The following EEFSEC variants were observed in gnomAD, a reference collection of about 807,000 sequenced individuals.
The protein encoded by EEFSEC is selenocysteine-specific elongation factor.
In EEFSEC, 43 loss-of-function variants were observed where a neutral mutation model predicts 42.1. The observed-to-expected ratio is 1.02, with a 90% CI of 0.80 to 1.32. The LOEUF (loss-of-function observed/expected upper bound fraction) is 1.32, where lower values mean the gene tolerates loss of function less well. Ranked by LOEUF, EEFSEC falls within the 40% of genes most tolerant of loss-of-function variation. The pLI, the probability that EEFSEC is intolerant of heterozygous loss-of-function variation, is 0.00. For missense variants in EEFSEC, 745 were observed against 803.6 expected, an observed-to-expected ratio of 0.93 and a Z score of 0.88; for synonymous variants, 354 against 339.1, an observed-to-expected ratio of 1.04 and a Z score of -0.48.
At chr3:128,232,400 G>T (rs1246090526) in intron 1 of EEFSEC, among the ~76,000 whole-genome samples, 1 of 152,096 alleles carries the variant, frequency 6.6e-6, no homozygotes, top group Non-Finnish European at 1.5e-5. Flanking sequence ...TTAAAGACTG[G>T]CCTCCGCACA....
intron 6 of EEFSEC, among the ~76,000 whole-genome samples, chr3:128,404,384 G>A (rs942670773): frequency 3.9e-5 from 6 of 152,240 alleles, no homozygotes; most frequent in African/African-American, 1.2e-4. Flanking sequence ...CGGGCAGTGC[G>A]AGGTATGCAT....
At chr3:128,219,780 A>G (rs1342973960) in intron 1 of EEFSEC, among the ~76,000 whole-genome samples, 5 of 151,926 alleles carry the variant, frequency 3.3e-5, no homozygotes, top group Non-Finnish European at 5.9e-5. Context: ...ACTAGAAAAA[A>G]AAAAAAGAAA....
At chr3:128,360,658 G>A (rs1297035815) in intron 6 of EEFSEC, among the ~76,000 whole-genome samples, 3 of 151,640 alleles carry the variant, frequency 2.0e-5, no homozygotes, top group South Asian at 4.2e-4. Context: ...CTCTCGGGGT[G>A]CTGGGGCGGG....
intron 1 of EEFSEC, among the ~76,000 whole-genome samples, chr3:128,222,545 AT>A (rs2065871540): frequency 6.6e-6 from 1 of 152,164 alleles, no homozygotes; most frequent in African/African-American, 2.4e-5. Context: ...CTATACCATA[AT>A]TAAATTTTCT....
At chr3:128,202,147 A>G (rs2065650115) in intron 1 of EEFSEC, among the ~76,000 whole-genome samples, 1 of 152,170 alleles carries the variant, frequency 6.6e-6, no homozygotes, top group Non-Finnish European at 1.5e-5. Flanking sequence ...GTTCTTTTCC[A>G]GTATTGCTTT....
At chr3:128,304,131 C>G (rs1376789144) in intron 4 of EEFSEC, among the ~76,000 whole-genome samples, 1 of 146,046 alleles carries the variant, frequency 6.8e-6, no homozygotes, top group Admixed American at 6.8e-5. Context: ...CTCCCTATTT[C>G]TCCTTTTGTT....
chr3:128,240,536 G>T (rs983259963), intron 1 of EEFSEC, among the ~76,000 whole-genome samples: 2 of 152,172 alleles, frequency 1.3e-5, no homozygotes, highest in African/African-American at 4.8e-5. Flanking sequence ...CTCTGAGCCT[G>T]TGCTGAGGAG....
intron 4 of EEFSEC, among the ~76,000 whole-genome samples, chr3:128,313,988 T>C (rs2066917749): frequency 6.6e-6 from 1 of 152,194 alleles, no homozygotes; most frequent in African/African-American, 2.4e-5. Flanking sequence ...CCCTACCCAG[T>C]GTGCTACCCC....
At chr3:128,190,131 A>G (rs555107996) in intron 1 of EEFSEC, among the ~76,000 whole-genome samples, 15 of 152,202 alleles carry the variant, frequency 9.9e-5, no homozygotes, top group African/African-American at 1.7e-4. Context: ...TCAAAGTGCT[A>G]GGATTACAGG....
intron 4 of EEFSEC, among the ~76,000 whole-genome samples, chr3:128,327,290 A>T (rs1341795385): frequency 2.7e-5 from 2 of 74,432 alleles, no homozygotes; most frequent in Non-Finnish European, 5.4e-5. Flanking sequence ...CACTTTTCCC[A>T]TCCCCCCCCC....
chr3:128,302,981 A>T (rs1559911023), intron 4 of EEFSEC, among the ~76,000 whole-genome samples: 1 of 152,058 alleles, frequency 6.6e-6, no homozygotes, highest in East Asian at 1.9e-4. Flanking sequence ...GTTGCCTTTT[A>T]AAAAAAATTA....
intron 6 of EEFSEC, among the ~76,000 whole-genome samples, chr3:128,404,772 C>T (rs1365269939): frequency 1.3e-5 from 2 of 152,202 alleles, no homozygotes; most frequent in African/African-American, 4.8e-5. Context: ...TCACAGGGAG[C>T]GCTTCCTTAA....
At chr3:128,160,019 A>G (rs1480435950) in intron 1 of EEFSEC, among the ~76,000 whole-genome samples, 1 of 152,236 alleles carries the variant, frequency 6.6e-6, no homozygotes, top group African/African-American at 2.4e-5. Context: ...AGAGCCTGGC[A>G]TAGGATAGAT....
At chr3:128,292,947 A>G (rs888583428) in intron 4 of EEFSEC, among the ~76,000 whole-genome samples, 2 of 152,180 alleles carry the variant, frequency 1.3e-5, no homozygotes, top group African/African-American at 4.8e-5. Flanking sequence ...TCCTATAAGT[A>G]CTGCTTTAGC....
chr3:128,424,325 G>A, the EEFSEC span, among the ~76,000 whole-genome samples: 4 of 152,174 alleles, frequency 2.6e-5, no homozygotes, highest in Non-Finnish European at 5.9e-5. Flanking sequence ...TCACTTTATT[G>A]TTGTTTTTAA....
intron 4 of EEFSEC, among the ~76,000 whole-genome samples, chr3:128,327,102 C>T (rs1231792878): frequency 1.3e-5 from 2 of 152,224 alleles, no homozygotes; most frequent in Admixed American, 1.3e-4. Flanking sequence ...GTGTGCTCAT[C>T]AGTGTGGACA....
intron 1 of EEFSEC, among the ~76,000 whole-genome samples, chr3:128,203,495 G>A (rs1285552590): frequency 2.6e-5 from 4 of 152,220 alleles, no homozygotes; most frequent in Admixed American, 6.5e-5. Flanking sequence ...CACCTCCCTT[G>A]TGTGCGGGCA....
chr3:128,344,173 T>A (rs1334891525), intron 5 of EEFSEC, among the ~76,000 whole-genome samples: 1 of 152,250 alleles, frequency 6.6e-6, no homozygotes, highest in East Asian at 1.9e-4. Flanking sequence ...GGGGCTTCTG[T>A]GCCACATGCT....
intron 1 of EEFSEC, among the ~76,000 whole-genome samples, chr3:128,186,781 C>T (rs2065469370): frequency 6.6e-6 from 1 of 152,160 alleles, no homozygotes; most frequent in Admixed American, 6.5e-5. Flanking sequence ...TATGTCTAGC[C>T]TTATTCTGAA....
Sources: gnomAD v4.1 joint callset for allele counts (sites outside exome capture counted in the v4.1 genomes callset) on GRCh38, gnomAD v4.1.1 for gene constraint, MANE v1.5 for transcripts, NCBI Gene and HGNC (gene_info 2026-07-23, HGNC 2026-07-21) for gene names.